ZBTB10: variants seen among roughly 807,000 people sequenced by gnomAD.
ZBTB10 encodes zinc finger and BTB domain-containing protein 10.
Under a neutral mutation model 76.4 loss-of-function variants are expected in ZBTB10, and 32 were observed. That is an observed-to-expected ratio of 0.42 (90% CI 0.32 to 0.56). The LOEUF (loss-of-function observed/expected upper bound fraction) is 0.56, where lower values mean the gene tolerates loss of function less well. Among genes scored for constraint, ZBTB10 ranks in the 20% least tolerant of loss-of-function variants. The pLI, the probability that ZBTB10 is intolerant of heterozygous loss-of-function variation, is 0.14. For missense variants in ZBTB10, 1,057 were observed against 1,098.5 expected, an observed-to-expected ratio of 0.96 and a Z score of 0.53; for synonymous variants, 523 against 432.9, an observed-to-expected ratio of 1.21 and a Z score of -2.58.
chr8:80,486,122 C>T (rs1382245287), upstream of ZBTB10: 4 of 461,712 alleles, frequency 8.7e-6, no homozygotes, highest in African/African-American at 9.0e-5. Context: ...CCCACCCCAG[C>T]CCAGCCCCAA....
chr8:80,486,496 C>T lies in ZBTB10; in HGVS notation c.-315C>T. 2 of 985,494 alleles carry T rather than the reference C, an allele frequency of 2.0e-6. No individual in the cohort carries two copies. Among genetic ancestry groups the T allele is most frequent in the Non-Finnish European group, 2.4e-6 (2 of 830,116 alleles). The allele number at this position is 985,494 out of a possible 1,614,324, so 61.0% of individuals were successfully genotyped here. ...CTTCGAAGGCCTCGCTCGCTGCAGG[C>T]TCGCTCCTCACCTCTCCGCCGCCCG... On this transcript the variant is annotated 5_prime_UTR_variant, in exon 1 of 6. Coordinates refer to ENST00000455036, the MANE Select transcript of ZBTB10 (RefSeq NM_001105539.3).
Position 80,513,956 on chromosome 8 carries a change from G to C in ZBTB10, c.1908G>C (p.Val636=), listed in dbSNP as rs1816262557. The change falls in exon 3 of 6, where the codon GTG becomes GTC. Residue 636 remains valine (V), a synonymous_variant. Transcript: ENST00000455036. The part of the protein sequence containing the change: ...LLSGPDGDRN[V]NANLLAEAGT... ...CGGGGCCAGATGGTGATAGGAATGT[G>C]AATGCAAATTTATTGGCTGAAGCTG... 4.3e-6 allele frequency: 7 copies of C among 1,613,534 alleles called. No homozygotes were observed. The highest frequency in any genetic ancestry group is 5.9e-6 in the Non-Finnish European group (7 of 1,179,696).
At position 80,499,881 on chromosome 8, in the gene ZBTB10, A is replaced by G; in HGVS notation, c.1360A>G (p.Thr454Ala). 6.2e-7 allele frequency: 1 copy of G among 1,613,868 alleles called. No individual in the cohort carries two copies. The highest frequency in any genetic ancestry group is 2.2e-5 in the East Asian group (1 of 44,880). The change falls in exon 2 of 6, where the codon ACT becomes GCT. Residue 454 changes from threonine to alanine, a missense_variant. Around this residue, in one of 5 missense-constraint regions of ZBTB10, gnomAD observed 306 missense variants for 297.5 expected, o/e 1.03. Transcript: ENST00000455036. ...TCTTCAAATGAGTGAAGTTGTTCAA[A>G]CTTGCCGAAATTTCATTAAAGATGC... ...SYLQMSEVVQ[T>A]CRNFIKDALN...
chr8:80,486,043 G>C (rs1815438075), upstream of ZBTB10: 3 of 871,100 alleles, frequency 3.4e-6, no homozygotes, highest in African/African-American at 6.8e-5. Context: ...TTCCTTCCCC[G>C]CGGCCGCACC....
chr8:80,507,394 C>G (rs1401248435), intron 2 of ZBTB10, among the ~76,000 whole-genome samples: 1 of 151,980 alleles, frequency 6.6e-6, no homozygotes, highest in Non-Finnish European at 1.5e-5. Flanking sequence ...GGGTGGTTCA[C>G]AAGGTCAGGA....
In ZBTB10 at chr8:80,500,090, C is replaced by T. The variant is rs771403721; in HGVS notation, c.1569C>T (p.Val523=). Residue 523 remains valine, a synonymous_variant, in exon 2 of 6, where the codon GTC becomes GTT. Coordinates refer to ENST00000455036, the MANE Select transcript of ZBTB10 (RefSeq NM_001105539.3). ...AGATTGAAAATGATGGTTGTAATGT[C>T]GACGAGGGCCAAATAGAAAACTACC... ...NVKIENDGCN[V]DEGQIENYQM... The T allele has an allele frequency of 1.6e-5, 26 of 1,613,714 alleles. No individual in the cohort carries two copies. Among genetic ancestry groups the T allele is most frequent in the African/African-American group, 1.3e-4 (10 of 74,862 alleles).
intron 1 of ZBTB10, among the ~76,000 whole-genome samples, chr8:80,487,986 TGTG>T (rs1243749247): frequency 1.3e-5 from 2 of 152,046 alleles, no homozygotes; most frequent in South Asian, 2.1e-4. Context: ...CTGTATGTGT[TGTG>T]GGGGGAAGGG....
rs982693832 is a variant in ZBTB10 at position 80,506,955 on chromosome 8, G to C, written c.1861+6573G>C. 2.6e-5 allele frequency among the ~76,000 whole-genome samples: 4 copies of C among 152,080 alleles called. No individual in the cohort carries two copies. The East Asian group carries it at 7.7e-4, about 29-fold the overall frequency. The stretch of plus-strand genomic sequence containing the variant: ...GGGGGGGTTCTAATAATTAGGGGGA[G>C]GGTGCTGAAGGCCAGATGCTTACTT... On this transcript the variant is annotated intron_variant, in intron 2 of 5. Transcript: ENST00000455036.
chr8:80,510,567 G>C (rs575356578), intron 2 of ZBTB10, among the ~76,000 whole-genome samples: 2 of 151,876 alleles, frequency 1.3e-5, no homozygotes, highest in East Asian at 3.9e-4. Flanking sequence ...ATTTAGCTCT[G>C]GTCATTTGAA....
In ZBTB10 at chr8:80,518,965, T is replaced by C; in HGVS notation, c.2310+11T>C. 6.3e-7 allele frequency: 1 copy of C among 1,583,740 alleles called. No individual in the cohort carries two copies. The highest frequency in any genetic ancestry group is 8.6e-7 in the Non-Finnish European group (1 of 1,163,454). ...AAAAGACATTCCCTGGTAAGTAACT[T>C]TAAATACAGCTGATCTTTGAGATAA... On this transcript the variant is annotated intron_variant, in intron 5 of 5. Transcript: ENST00000455036.
At chr8:80,514,817 A>G (rs565699368) in intron 3 of ZBTB10, among the ~76,000 whole-genome samples, 4 of 152,342 alleles carry the variant, frequency 2.6e-5, no homozygotes, top group African/African-American at 7.2e-5. Context: ...GGGCTGGCTG[A>G]TTTGATGTGC....
At chr8:80,496,225 C>G (rs902723342) in intron 1 of ZBTB10, among the ~76,000 whole-genome samples, 1 of 152,150 alleles carries the variant, frequency 6.6e-6, no homozygotes, top group African/African-American at 2.4e-5. Flanking sequence ...TTGAGTTTAG[C>G]AAATGATATT....
intron 1 of ZBTB10, among the ~76,000 whole-genome samples, chr8:80,491,140 C>T (rs934022374): frequency 3.9e-5 from 6 of 152,216 alleles, no homozygotes; most frequent in African/African-American, 1.4e-4. Flanking sequence ...TCACCCAGAG[C>T]AGCTTCCAGG....
intron 2 of ZBTB10, among the ~76,000 whole-genome samples, chr8:80,508,107 T>G (rs1816104955): frequency 6.6e-6 from 1 of 152,232 alleles, no homozygotes; most frequent in African/African-American, 2.4e-5. Flanking sequence ...GCTACACTGT[T>G]GATTATTACC....
chr8:80,516,691 AC>A (rs1340398500), intron 3 of ZBTB10, among the ~76,000 whole-genome samples: 1 of 152,252 alleles, frequency 6.6e-6, no homozygotes, highest in Non-Finnish European at 1.5e-5. Flanking sequence ...TATTCCAAGT[AC>A]AGCACAGTTT....
rs773060094 is a variant in ZBTB10, at chr8:80,525,284, AACT to A, written c.*5758_*5760del. On this transcript the variant is annotated 3_prime_UTR_variant, in exon 6 of 6. Coordinates refer to ENST00000455036, the MANE Select transcript of ZBTB10 (RefSeq NM_001105539.3). ...TTCTGAAGTTTAAAGAAAGAAAGTG[AACT>A]ATAGAAATCTATTCAGCTAATTAAA... 2 of 152,150 alleles carry A rather than the reference AACT, an allele frequency of 1.3e-5. No homozygotes were observed. Among genetic ancestry groups the A allele is most frequent in the African/African-American group, 2.4e-5 (1 of 41,444 alleles). 9.4% of individuals were successfully genotyped at this position (152,150 alleles called of 1,614,324 possible).
At position 80,486,439 on chromosome 8, in the gene ZBTB10, A is replaced by C. The variant is rs1815452758; in HGVS notation, c.-372A>C. On this transcript the variant is annotated 5_prime_UTR_variant, in exon 1 of 6. Coordinates refer to ENST00000455036, the MANE Select transcript of ZBTB10 (RefSeq NM_001105539.3). Reference sequence around the variant, plus strand: ...GCGCGCGCGGCTTTAAAGAGGGGGCAGCGGAGGGTCTCCCCGCACTCCGCT... The same window carrying C: ...GCGCGCGCGGCTTTAAAGAGGGGGCCGCGGAGGGTCTCCCCGCACTCCGCT... 1.0e-6 allele frequency: 1 copy of C among 984,638 alleles called. No homozygotes were observed. The highest frequency in any genetic ancestry group is 4.7e-5 in the South Asian group (1 of 21,312). 61.0% of individuals were successfully genotyped at this position (984,638 alleles called of 1,614,324 possible).
upstream of ZBTB10, chr8:80,486,074 G>A (rs1417344342): frequency 2.5e-5 from 25 of 1,009,418 alleles, 1 homozygote; most frequent in South Asian, 4.7e-4. Context: ...GGCCGGAGGC[G>A]CAGCCCAGCC....
At chr8:80,490,131 A>G (rs1041424636) in intron 1 of ZBTB10, among the ~76,000 whole-genome samples, 1 of 152,234 alleles carries the variant, frequency 6.6e-6, no homozygotes, top group African/African-American at 2.4e-5. Context: ...GCTTAAGGTC[A>G]GAGGACTTTG....
Sources: gnomAD v4.1 joint callset for allele counts (sites outside exome capture counted in the v4.1 genomes callset) on GRCh38, gnomAD v4.1.1 for gene constraint, gnomAD v4.1.1 regional missense constraint, MANE v1.5 for transcripts, NCBI Gene and HGNC (gene_info 2026-07-23, HGNC 2026-07-21) for gene names.